The following MYCT1 variants were observed in gnomAD, a reference collection of about 807,000 sequenced individuals.
MYCT1 encodes the protein MYC target 1, also known as myc target protein 1.
Under a neutral mutation model 15.0 loss-of-function variants are expected in MYCT1, and 12 were observed. The observed-to-expected ratio is 0.80, with a 90% CI of 0.51 to 1.29. The LOEUF is 1.29. MYCT1 is among the 50% of genes most tolerant of loss of function. The pLI is 0.00. For missense variants in MYCT1, 287 were observed against 279.1 expected (o/e 1.03, Z -0.20); for synonymous variants, 104 against 102.7 (o/e 1.01, Z -0.07).
intron 1 of MYCT1, among the ~76,000 whole-genome samples, chr6:152,704,433 A>G (rs2099721907): frequency 6.6e-6 from 1 of 152,142 alleles, no homozygotes; most frequent in Admixed American, 6.6e-5. Flanking sequence ...AGTTACGTAA[A>G]TCTTCCAACT....
At position 152,723,029 on chromosome 6, in the gene MYCT1, T is replaced by C. The variant is rs542869580; in HGVS notation, c.*776T>C. ...AGTGCTGGAATTAGCCTGGCCAATC[T>C]TGGATTTTTAATGGAATATGTGGGC... On this transcript the variant is annotated 3_prime_UTR_variant, in exon 2 of 2. Coordinates refer to ENST00000367245, the MANE Select transcript of MYCT1 (RefSeq NM_025107.3). 5.1e-5 allele frequency: 8 copies of C among 156,494 alleles called. No individual in the cohort carries two copies. The highest frequency in any genetic ancestry group is 1.9e-4 in the African/African-American group (8 of 41,648). 9.7% of individuals were successfully genotyped at this position (156,494 alleles called of 1,614,324 possible).
At chr6:152,737,244 T>G in the MYCT1 span, among the ~76,000 whole-genome samples, 3,944 of 144,770 alleles carry the variant, frequency 0.027, 103 homozygotes, top group East Asian at 0.14. Context: ...AAATTAAAAG[T>G]TTTTTTTTTT....
intron 1 of MYCT1, among the ~76,000 whole-genome samples, chr6:152,720,854 T>C (rs1048253167): frequency 9.2e-5 from 14 of 151,900 alleles, no homozygotes; most frequent in African/African-American, 3.1e-4. Context: ...TGCAAAGTGG[T>C]GTGGTGAGGG....
chr6:152,719,253 G>T (rs1212882371), intron 1 of MYCT1, among the ~76,000 whole-genome samples: 1 of 152,124 alleles, frequency 6.6e-6, no homozygotes, highest in Non-Finnish European at 1.5e-5. Context: ...ATTCTCTCAA[G>T]TATTTCTGTT....
At chr6:152,727,849 T>C (rs2099725923), downstream of MYCT1, among the ~76,000 whole-genome samples, 1 of 152,050 alleles carries the variant, frequency 6.6e-6, no homozygotes, top group Admixed American at 6.5e-5. Flanking sequence ...ACTTCAAGAC[T>C]GGGGAGAGTC....
the MYCT1 span, among the ~76,000 whole-genome samples, chr6:152,741,067 A>G: frequency 3.3e-5 from 5 of 152,178 alleles, no homozygotes; most frequent in South Asian, 2.1e-4. Flanking sequence ...TTTCTCCCCA[A>G]TGTGATGCAT....
At chr6:152,714,191 C>T (rs561920473) in intron 1 of MYCT1, among the ~76,000 whole-genome samples, 11 of 151,586 alleles carry the variant, frequency 7.3e-5, no homozygotes, top group Non-Finnish European at 1.3e-4. Flanking sequence ...ACTCTTTTTC[C>T]CTCTTTCTCT....
chr6:152,740,658 A>T, the MYCT1 span, among the ~76,000 whole-genome samples: 4 of 152,214 alleles, frequency 2.6e-5, no homozygotes, highest in Non-Finnish European at 5.9e-5. Context: ...AAGAGGCTCC[A>T]GTTTGTTTTA....
downstream of MYCT1, among the ~76,000 whole-genome samples, chr6:152,728,316 A>C (rs2099726008): frequency 6.6e-6 from 1 of 152,212 alleles, no homozygotes; most frequent in East Asian, 1.9e-4. Flanking sequence ...GAAGTCAAAC[A>C]GCCAAATGGT....
Position 152,722,349 on chromosome 6 carries a change from A to G in MYCT1, c.*96A>G, listed in dbSNP as rs2099724869. 1 of 1,262,478 alleles carries G rather than the reference A, an allele frequency of 7.9e-7. No homozygotes were observed. The highest frequency in any genetic ancestry group is 1.1e-6 in the Non-Finnish European group (1 of 922,760). 78.2% of individuals were successfully genotyped at this position (1,262,478 alleles called of 1,614,324 possible). A position where few individuals can be genotyped will look rare whatever the true frequency, so the allele number is the denominator to read the frequency against. On this transcript the variant is annotated 3_prime_UTR_variant, in exon 2 of 2. Transcript: ENST00000367245. The stretch of plus-strand genomic sequence containing the variant: ...AACAGAATTTTGAGGGCATGGCCCA[A>G]ATAACTCATGAGTTCCAAGTTGAAA...
At chr6:152,726,001 A>G (rs2099725587), downstream of MYCT1, among the ~76,000 whole-genome samples, 1 of 152,234 alleles carries the variant, frequency 6.6e-6, no homozygotes, top group Non-Finnish European at 1.5e-5. Flanking sequence ...GACCTGGAGT[A>G]AAATGGCTGC....
chr6:152,721,705 T>G, intron 1 of MYCT1, 37 bp from the exon 2 acceptor site: 1 of 1,575,444 alleles, frequency 6.3e-7, no homozygotes, highest in South Asian at 1.2e-5. Context: ...AAAACCTATT[T>G]AAAAATTGAT....
chr6:152,734,234 A>C, the MYCT1 span, among the ~76,000 whole-genome samples: 1 of 152,176 alleles, frequency 6.6e-6, no homozygotes, highest in Non-Finnish European at 1.5e-5. Context: ...GATGGTTAAA[A>C]GGTTCCCACA....
chr6:152,728,396 A>C (rs1236620125), downstream of MYCT1, among the ~76,000 whole-genome samples: 5 of 152,166 alleles, frequency 3.3e-5, no homozygotes, highest in Non-Finnish European at 7.3e-5. Context: ...TTCAAAGCTG[A>C]GGAGCAAATT....
intron 1 of MYCT1, among the ~76,000 whole-genome samples, chr6:152,700,945 T>C (rs998758659): frequency 1.3e-5 from 2 of 152,200 alleles, no homozygotes; most frequent in African/African-American, 2.4e-5. Context: ...ATTATGCTCT[T>C]GGAGGCAATT....
intron 1 of MYCT1, among the ~76,000 whole-genome samples, chr6:152,720,983 A>G (rs1403023050): frequency 1.3e-5 from 2 of 152,230 alleles, no homozygotes; most frequent in Non-Finnish European, 2.9e-5. Flanking sequence ...TGAACAAATT[A>G]CAAGTTCTAC....
At chr6:152,708,573 C>T (rs912233070) in intron 1 of MYCT1, among the ~76,000 whole-genome samples, 2 of 151,908 alleles carry the variant, frequency 1.3e-5, no homozygotes, top group Non-Finnish European at 2.9e-5. Context: ...TATCCTGTCC[C>T]AATTCTTTGT....
chr6:152,744,761 G>A, the MYCT1 span, among the ~76,000 whole-genome samples: 22 of 152,290 alleles, frequency 1.4e-4, no homozygotes, highest in African/African-American at 4.6e-4. Context: ...GGGTGTGGAC[G>A]ATGTAGTCCA....
chr6:152,699,797 T>C (rs2099721019), intron 1 of MYCT1, among the ~76,000 whole-genome samples: 1 of 152,120 alleles, frequency 6.6e-6, no homozygotes, highest in Non-Finnish European at 1.5e-5. Context: ...AAACTTGATA[T>C]TAATAAGAGA....
Sources: gnomAD v4.1 joint callset for allele counts (sites outside exome capture counted in the v4.1 genomes callset) on GRCh38, gnomAD v4.1.1 for gene constraint, MANE v1.5 for transcripts, NCBI Gene and HGNC (gene_info 2026-07-23, HGNC 2026-07-21) for gene names.